The following SNX29 variants were observed in gnomAD, a reference collection of about 807,000 sequenced individuals.
SNX29 encodes sorting nexin 29.
SNX29 carries 78 observed loss-of-function variants against 102.1 expected under a neutral mutation model. That is an observed-to-expected ratio of 0.76 (90% CI 0.64 to 0.92). The LOEUF is 0.92. Among genes scored for constraint, SNX29 ranks in the 40% least tolerant of loss-of-function variants. SNX29 has a pLI of 0.00. For missense variants in SNX29, 1,280 were observed against 1,061.7 expected, an observed-to-expected ratio of 1.21 and a Z score of -2.86; for synonymous variants, 580 against 414.5, an observed-to-expected ratio of 1.40 and a Z score of -4.85.
chr16:12,278,956 G>T (rs919554548), intron 15 of SNX29, among the ~76,000 whole-genome samples: 1 of 151,886 alleles, frequency 6.6e-6, no homozygotes, highest in Non-Finnish European at 1.5e-5. Context: ...ATTGATACCT[G>T]ATTAAAAAAA....
intron 15 of SNX29, among the ~76,000 whole-genome samples, chr16:12,286,691 T>C (rs1333386308): frequency 1.3e-5 from 2 of 152,094 alleles, no homozygotes; most frequent in Non-Finnish European, 2.9e-5. Flanking sequence ...TTGAAACATA[T>C]ACAGAAATAA....
intron 20 of SNX29, among the ~76,000 whole-genome samples, chr16:12,559,671 G>A (rs975717075): frequency 6.6e-6 from 1 of 151,798 alleles, no homozygotes; most frequent in Non-Finnish European, 1.5e-5. Flanking sequence ...CTCTACCATG[G>A]GCCTGGGGCA....
intron 20 of SNX29, among the ~76,000 whole-genome samples, chr16:12,530,215 C>G (rs976468350): frequency 6.6e-6 from 1 of 152,242 alleles, no homozygotes; most frequent in Non-Finnish European, 1.5e-5. Flanking sequence ...GTCTTTGGCT[C>G]TTCCACTGAG....
At chr16:12,077,759 T>A (rs888584814) in intron 10 of SNX29, among the ~76,000 whole-genome samples, 1 of 152,122 alleles carries the variant, frequency 6.6e-6, no homozygotes, top group Non-Finnish European at 1.5e-5. Context: ...TAGCTGGGAT[T>A]ACAGGCATGT....
intron 20 of SNX29, among the ~76,000 whole-genome samples, chr16:12,559,364 T>A (rs984097825): frequency 6.6e-6 from 1 of 151,536 alleles, no homozygotes; most frequent in Non-Finnish European, 1.5e-5. Context: ...GAGAATCTCA[T>A]GCCTGATGAT....
intron 20 of SNX29, among the ~76,000 whole-genome samples, chr16:12,539,703 G>A (rs191681138): frequency 6.6e-6 from 1 of 152,210 alleles, no homozygotes; most frequent in African/African-American, 2.4e-5. Flanking sequence ...ATGTCATACT[G>A]TCATGATTCT....
chr16:12,057,860 C>T (rs2050584544), intron 8 of SNX29, among the ~76,000 whole-genome samples: 1 of 150,778 alleles, frequency 6.6e-6, no homozygotes, highest in African/African-American at 2.4e-5. Flanking sequence ...CTCTGTCACT[C>T]AGGCTGGAGT....
chr16:12,277,640 T>C (rs1173272075), intron 14 of SNX29, among the ~76,000 whole-genome samples: 1 of 152,120 alleles, frequency 6.6e-6, no homozygotes, highest in Non-Finnish European at 1.5e-5. Context: ...AGTGGCACAA[T>C]CATAGCTCAT....
At chr16:12,187,848 C>T (rs920574688) in intron 13 of SNX29, among the ~76,000 whole-genome samples, 20 of 152,128 alleles carry the variant, frequency 1.3e-4, no homozygotes, top group Non-Finnish European at 2.8e-4. Context: ...ATGAGAGGCT[C>T]CCTCACCTTC....
At chr16:12,456,842 G>C (rs79872625) in intron 18 of SNX29, among the ~76,000 whole-genome samples, 6,639 of 152,144 alleles carry the variant, frequency 0.044, 328 homozygotes, top group African/African-American at 0.13. Flanking sequence ...TCACAGAGAC[G>C]TACCTAGGTT....
chr16:12,507,136 G>C (rs2089414468), intron 19 of SNX29, among the ~76,000 whole-genome samples: 1 of 152,220 alleles, frequency 6.6e-6, no homozygotes, highest in African/African-American at 2.4e-5. Context: ...CTCTTTCAGA[G>C]GTGATGAGAC....
rs775092160 is a variant in SNX29, at chr16:12,052,277, C to G, written c.1124+55C>G. Reference sequence around the variant, plus strand: ...CGTCCCCCAGGCTGGAGTGCCGTGGCGTGATCTCAGCTCACTGCAACCTCC... The same window carrying G: ...CGTCCCCCAGGCTGGAGTGCCGTGGGGTGATCTCAGCTCACTGCAACCTCC... On this transcript the variant is annotated intron_variant, in intron 8 of 20. Transcript: ENST00000566228. 1.9e-5 allele frequency: 31 copies of G among 1,594,968 alleles called. No individual in the cohort carries two copies. The South Asian group carries it at 3.3e-4, about 17-fold the overall frequency.
chr16:12,236,989 G>C (rs1266910550), intron 14 of SNX29, among the ~76,000 whole-genome samples: 1 of 152,238 alleles, frequency 6.6e-6, no homozygotes, highest in Non-Finnish European at 1.5e-5. Context: ...CCTGGAACTT[G>C]AAGGTTGGTG....
chr16:12,158,296 T>A (rs973280411), intron 13 of SNX29, among the ~76,000 whole-genome samples: 4 of 151,964 alleles, frequency 2.6e-5, no homozygotes, highest in African/African-American at 9.7e-5. Flanking sequence ...GCCTCCAGGG[T>A]TCAAGTAATT....
chr16:12,005,357 C>T (rs1365714528), intron 3 of SNX29, among the ~76,000 whole-genome samples: 2 of 152,068 alleles, frequency 1.3e-5, no homozygotes, highest in East Asian at 3.8e-4. Flanking sequence ...TGTACTGGAG[C>T]AGGATGTGTA....
chr16:12,108,771 C>T (rs766120693), intron 11 of SNX29, among the ~76,000 whole-genome samples: 53 of 152,236 alleles, frequency 3.5e-4, no homozygotes, highest in Admixed American at 6.5e-4. Context: ...TCCATACACA[C>T]GAAGCTGTCC....
intron 20 of SNX29, among the ~76,000 whole-genome samples, chr16:12,554,860 A>C (rs2078226792): frequency 6.6e-6 from 1 of 152,136 alleles, no homozygotes; most frequent in Non-Finnish European, 1.5e-5. Context: ...GGTGCTCAGG[A>C]AAGAGGACAA....
chr16:12,536,542 C>CTAAT (rs2077086990), intron 20 of SNX29, among the ~76,000 whole-genome samples: 1 of 152,136 alleles, frequency 6.6e-6, no homozygotes, highest in Non-Finnish European at 1.5e-5. Context: ...TAAAATGGGA[C>CTAAT]TAATTATAGC....
At chr16:12,349,141 C>G (rs1477275310) in intron 15 of SNX29, among the ~76,000 whole-genome samples, 1 of 152,122 alleles carries the variant, frequency 6.6e-6, no homozygotes, top group Non-Finnish European at 1.5e-5. Flanking sequence ...AGGCCACTTG[C>G]CCCCCGCCAA....
Sources: gnomAD v4.1 joint callset for allele counts (sites outside exome capture counted in the v4.1 genomes callset) on GRCh38, gnomAD v4.1.1 for gene constraint, MANE v1.5 for transcripts, NCBI Gene and HGNC (gene_info 2026-07-23, HGNC 2026-07-21) for gene names.